The following GABBR2 variants were observed in gnomAD, a reference collection of about 807,000 sequenced individuals.
The protein encoded by GABBR2 is G-protein coupled receptor 51.
A neutral mutation model predicts 105.6 loss-of-function variants in GABBR2; 23 were observed. The ratio of observed to expected loss-of-function variants is 0.22; its 90% CI spans 0.16 to 0.31. The LOEUF is 0.31. GABBR2 is among the 10% of genes least tolerant of loss of function. The pLI is 1.00. For missense variants in GABBR2, 734 were observed against 1,245.5 expected (o/e 0.59, Z 6.18); for synonymous variants, 478 against 499.7 (o/e 0.96, Z 0.58).
chr9:98,504,537 T>C (rs1284585204), intron 3 of GABBR2, among the ~76,000 whole-genome samples: 1 of 152,184 alleles, frequency 6.6e-6, no homozygotes, highest in Non-Finnish European at 1.5e-5. Flanking sequence ...AAATTCTAAT[T>C]AGGTTACGAA....
intron 7 of GABBR2, among the ~76,000 whole-genome samples, chr9:98,435,664 G>C (rs952886887): frequency 6.6e-6 from 1 of 152,118 alleles, no homozygotes. Context: ...CTTTATTCCA[G>C]CCACACTGGC....
intron 1 of GABBR2, among the ~76,000 whole-genome samples, chr9:98,697,215 G>A (rs1462918590): frequency 6.6e-6 from 1 of 152,150 alleles, no homozygotes; most frequent in African/African-American, 2.4e-5. Flanking sequence ...AGGACCGCCG[G>A]GCGCGGTGGC....
intron 13 of GABBR2, among the ~76,000 whole-genome samples, chr9:98,326,637 G>A (rs550286506): frequency 6.6e-6 from 1 of 152,332 alleles, no homozygotes; most frequent in South Asian, 2.1e-4. Context: ...GTTGCCTCAT[G>A]GAAGATGGCT....
At chr9:98,506,973 C>T (rs1246257857) in intron 3 of GABBR2, among the ~76,000 whole-genome samples, 1 of 152,164 alleles carries the variant, frequency 6.6e-6, no homozygotes, top group Admixed American at 6.5e-5. Context: ...CACCACTGCT[C>T]CTCGGAGGCC....
intron 5 of GABBR2, among the ~76,000 whole-genome samples, chr9:98,479,279 G>A (rs1187921181): frequency 2.0e-5 from 3 of 152,114 alleles, no homozygotes; most frequent in African/African-American, 7.2e-5. Flanking sequence ...AAAAAAGATG[G>A]CTGGTATCTG....
chr9:98,615,471 T>A (rs904065216), intron 1 of GABBR2, among the ~76,000 whole-genome samples: 26 of 152,226 alleles, frequency 1.7e-4, no homozygotes, highest in African/African-American at 6.3e-4. Context: ...AAATGCAATT[T>A]AGACATGGCT....
intron 13 of GABBR2, among the ~76,000 whole-genome samples, chr9:98,350,546 T>A (rs1480235344): frequency 6.6e-6 from 1 of 152,200 alleles, no homozygotes; most frequent in African/African-American, 2.4e-5. Context: ...CTGTACAGTT[T>A]CCAAGGTTCC....
intron 14 of GABBR2, among the ~76,000 whole-genome samples, chr9:98,308,026 G>T (rs1048395707): frequency 4.6e-5 from 7 of 152,188 alleles, no homozygotes; most frequent in Non-Finnish European, 8.8e-5. Flanking sequence ...CTGAGGTCAC[G>T]AGTTTGAGAC....
chr9:98,359,433 A>T (rs1039011068), intron 13 of GABBR2, among the ~76,000 whole-genome samples: 7 of 152,128 alleles, frequency 4.6e-5, no homozygotes, highest in Admixed American at 1.3e-4. Flanking sequence ...CTGTCTCCAA[A>T]AAAATAAAAT....
chr9:98,395,538 A>G (rs114896879), intron 8 of GABBR2, among the ~76,000 whole-genome samples: 3 of 151,790 alleles, frequency 2.0e-5, no homozygotes, highest in African/African-American at 7.3e-5. Flanking sequence ...ACTCTGGAGG[A>G]GCCCTGACCC....
intron 3 of GABBR2, among the ~76,000 whole-genome samples, chr9:98,505,941 T>C (rs1246368870): frequency 6.6e-6 from 1 of 152,188 alleles, no homozygotes; most frequent in African/African-American, 2.4e-5. Context: ...AGGAAACTAA[T>C]ACACCTGGGG....
chr9:98,470,061 C>T (rs1826638240), intron 6 of GABBR2, among the ~76,000 whole-genome samples: 1 of 152,164 alleles, frequency 6.6e-6, no homozygotes, highest in Non-Finnish European at 1.5e-5. Flanking sequence ...CTTTATTCAA[C>T]TCTGGGCCCC....
chr9:98,419,899 G>A (rs149815263), intron 7 of GABBR2, among the ~76,000 whole-genome samples: 85 of 152,216 alleles, frequency 5.6e-4, no homozygotes, highest in African/African-American at 1.2e-3. Flanking sequence ...GCAGGAGAGC[G>A]CGAGTCCTCC....
intron 13 of GABBR2, among the ~76,000 whole-genome samples, chr9:98,348,481 C>T (rs1368687583): frequency 6.6e-6 from 1 of 152,076 alleles, no homozygotes; most frequent in Admixed American, 6.5e-5. Flanking sequence ...ATGTCATTGA[C>T]CTTTTGATAG....
At chr9:98,560,906 A>G (rs1003721137) in intron 2 of GABBR2, among the ~76,000 whole-genome samples, 2 of 151,794 alleles carry the variant, frequency 1.3e-5, no homozygotes, top group Admixed American at 6.6e-5. Context: ...AATAGTTCAG[A>G]GTGCATCTTG....
chr9:98,560,301 A>G (rs1044447066), intron 2 of GABBR2, among the ~76,000 whole-genome samples: 2 of 152,168 alleles, frequency 1.3e-5, no homozygotes, highest in African/African-American at 4.8e-5. Flanking sequence ...AAAATGTGTA[A>G]AGAGACTTTT....
intron 7 of GABBR2, among the ~76,000 whole-genome samples, chr9:98,413,178 G>A (rs979822955): frequency 6.6e-6 from 1 of 152,218 alleles, no homozygotes; most frequent in Non-Finnish European, 1.5e-5. Context: ...GCAGATCAAT[G>A]TCTGTGTGAG....
At chr9:98,501,124 T>TGC (rs1298877603) in intron 3 of GABBR2, among the ~76,000 whole-genome samples, 1 of 92,640 alleles carries the variant, frequency 1.1e-5, no homozygotes, top group African/African-American at 4.0e-5. Flanking sequence ...TAGGAACCAC[T>TGC]GCCCCCCCCC....
intron 4 of GABBR2, among the ~76,000 whole-genome samples, chr9:98,490,298 T>C (rs1827150209): frequency 6.6e-6 from 1 of 152,160 alleles, no homozygotes; most frequent in African/African-American, 2.4e-5. Context: ...CTATACTTTC[T>C]GAGTTCTGAC....
Sources: allele counts gnomAD v4.1 joint callset (sites outside exome capture counted in the v4.1 genomes callset), GRCh38; gene constraint gnomAD v4.1.1; transcripts MANE v1.5; gene names NCBI Gene and HGNC (gene_info 2026-07-23, HGNC 2026-07-21).